GTF2A1: variants seen among roughly 807,000 people sequenced by gnomAD.
The protein encoded by GTF2A1 is transcription initiation factor IIA subunit 1.
In GTF2A1, 12 loss-of-function variants were observed where a neutral mutation model predicts 54.1. The ratio of observed to expected loss-of-function variants is 0.22; its 90% confidence interval spans 0.14 to 0.36. The LOEUF is 0.36. GTF2A1 is among the 10% of genes least tolerant of loss of function. The pLI, the probability that GTF2A1 is intolerant of heterozygous loss-of-function variation, is 1.00. For missense variants in GTF2A1, 335 were observed against 442.2 expected (o/e 0.76, Z 2.17); for synonymous variants, 145 against 152.0 (o/e 0.95, Z 0.34).
At chr14:81,209,781 C>A in intron 2 of GTF2A1, 1 of 451,158 alleles carries the variant, frequency 2.2e-6, no homozygotes, top group East Asian at 7.1e-5. Flanking sequence ...ATTCCCTATA[C>A]AAGACAAATG....
chr14:81,196,410 T>C (rs1892994866), intron 5 of GTF2A1, among the ~76,000 whole-genome samples, 169 bp from the exon 6 acceptor site: 1 of 152,236 alleles, frequency 6.6e-6, no homozygotes, highest in African/African-American at 2.4e-5. Context: ...CCTCCCCTTC[T>C]CTGACTTCTC....
intron 1 of GTF2A1, among the ~76,000 whole-genome samples, chr14:81,219,933 T>C (rs777872449): frequency 4.6e-5 from 7 of 152,138 alleles, no homozygotes; most frequent in Non-Finnish European, 1.0e-4. Flanking sequence ...TTCGTCCTTT[T>C]TTTAAACATA....
At chr14:81,211,877 A>T (rs1247741848) in intron 2 of GTF2A1, among the ~76,000 whole-genome samples, 1 of 24,776 alleles carries the variant, frequency 4.0e-5, no homozygotes, top group Non-Finnish European at 1.9e-4. Flanking sequence ...CAAGTACTTT[A>T]TATATATATA....
chr14:81,176,265 T>C lies in GTF2A1; in HGVS notation c.*3958A>G, dbSNP rs996808181. 3 of 152,106 alleles carry C rather than the reference T, an allele frequency of 2.0e-5. No homozygotes were observed. Among genetic ancestry groups the C allele is most frequent in the South Asian group, 2.1e-4 (1 of 4,828 alleles). 9.4% of individuals were successfully genotyped at this position (152,106 alleles called of 1,614,324 possible). ...TTCCAAGATGGTCTTTAAAACATAA[T>C]ATCCCATATATCACAGAAGAGCAAC... On this transcript the variant is annotated 3_prime_UTR_variant, in exon 9 of 9. Coordinates refer to ENST00000553612, the MANE Select transcript of GTF2A1 (RefSeq NM_015859.4).
intron 1 of GTF2A1, among the ~76,000 whole-genome samples, chr14:81,217,549 G>C (rs989444685): frequency 6.6e-6 from 1 of 152,078 alleles, no homozygotes; most frequent in Non-Finnish European, 1.5e-5. Context: ...AAGGTTAATC[G>C]CTATCAAATA....
At position 81,197,470 on chromosome 14, in the gene GTF2A1, T is replaced by A. The variant is rs1198913219; in HGVS notation, c.417A>T (p.Thr139=). 6.3e-7 allele frequency: 1 copy of A among 1,580,356 alleles called. No individual in the cohort carries two copies. The highest frequency in any genetic ancestry group is 1.1e-5 in the South Asian group (1 of 87,666). The change falls in exon 5 of 9, where the codon ACA becomes ACT. Residue 139 remains threonine, a synonymous_variant. Coordinates refer to ENST00000553612, the MANE Select transcript of GTF2A1 (RefSeq NM_015859.4). ...CTGCAGGGAGTGCTAAGGTAGCAGC[T>A]GTAGCAGCAGCACTCTGAAAAAAAC... ...MNASNMSAAA[T]AATLALPAGV...
rs544113164 is a variant in GTF2A1 at position 81,213,912 on chromosome 14, G to A, written c.132+2501C>T. ...GGCTGCAGTGTAGTGGCATGATCTC[G>A]GCTCACTGCAACCCCCGCCTCCTGG... On this transcript the variant is annotated intron_variant, in intron 2 of 8. Transcript: ENST00000553612. Among the ~76,000 whole-genome samples, 160 of 149,050 alleles carry A rather than the reference G, an allele frequency of 1.1e-3. 2 individuals are homozygous for A. The highest frequency in any genetic ancestry group is 3.8e-3 in the African/African-American group (152 of 40,326).
At chr14:81,216,092 G>A (rs553793765) in intron 2 of GTF2A1, among the ~76,000 whole-genome samples, 7 of 152,208 alleles carry the variant, frequency 4.6e-5, no homozygotes, top group Admixed American at 1.3e-4. Context: ...ATAAAATGTA[G>A]AATGTTAACT....
intron 8 of GTF2A1, among the ~76,000 whole-genome samples, chr14:81,183,811 T>C (rs184598690): frequency 1.4e-4 from 21 of 152,368 alleles, no homozygotes; most frequent in African/African-American, 4.8e-4. Context: ...AGTCGTTCTA[T>C]GATCTCTTCT....
intron 1 of GTF2A1, among the ~76,000 whole-genome samples, chr14:81,220,209 G>C (rs1364778490): frequency 8.1e-6 from 1 of 123,770 alleles, no homozygotes; most frequent in African/African-American, 2.9e-5. Context: ...CTGCGCGCCC[G>C]ACCGGGCCCA....
intron 1 of GTF2A1, among the ~76,000 whole-genome samples, chr14:81,216,727 C>A (rs1893497062): frequency 6.6e-6 from 1 of 152,060 alleles, no homozygotes; most frequent in Non-Finnish European, 1.5e-5. Flanking sequence ...AACAGAAGGC[C>A]CCTAAGACTA....
rs1489181192 is a variant in GTF2A1, at chr14:81,177,414, T to C, written c.*2809A>G. 2 of 152,174 alleles carry C rather than the reference T, an allele frequency of 1.3e-5. No homozygotes were observed. Among genetic ancestry groups the C allele is most frequent in the Non-Finnish European group, 2.9e-5 (2 of 67,982 alleles). 9.4% of individuals were successfully genotyped at this position (152,174 alleles called of 1,614,324 possible). ...GGCACTCCACAGAAATTAAACATGC[T>C]CTCAGGCATTCAAATGGTCTGATTA... is the stretch of plus-strand genomic sequence containing the variant. On this transcript the variant is annotated 3_prime_UTR_variant, in exon 9 of 9. Coordinates refer to ENST00000553612, the MANE Select transcript of GTF2A1 (RefSeq NM_015859.4).
rs1892515302 is a variant in GTF2A1, at chr14:81,175,856, T to C, written c.*4367A>G. The C allele has an allele frequency of 6.6e-6, 1 of 152,210 alleles. No individual in the cohort carries two copies. Among genetic ancestry groups the C allele is most frequent in the Non-Finnish European group, 1.5e-5 (1 of 68,006 alleles). The allele number at this position is 152,210 out of a possible 1,614,324, so 9.4% of individuals were successfully genotyped here. On this transcript the variant is annotated 3_prime_UTR_variant, in exon 9 of 9. Coordinates refer to ENST00000553612, the MANE Select transcript of GTF2A1 (RefSeq NM_015859.4). ...TTATTTTGAAAAACAATGTTAATTA[T>C]ACCAATTTTTAGTTATAATTTGTTA...
intron 6 of GTF2A1, 94 bp downstream of exon 6, chr14:81,196,014 G>A: frequency 1.8e-6 from 2 of 1,097,786 alleles, no homozygotes; most frequent in Middle Eastern, 2.1e-4. Flanking sequence ...CTGAAAAAGA[G>A]TCTTTTGTGC....
At chr14:81,186,376 G>A (rs1892745670) in intron 7 of GTF2A1, among the ~76,000 whole-genome samples, 1 of 152,004 alleles carries the variant, frequency 6.6e-6, no homozygotes, top group Non-Finnish European at 1.5e-5. Context: ...TAAAGAACTT[G>A]GACTCTAAAT....
chr14:81,182,781 T>G (rs1595205921), intron 8 of GTF2A1, among the ~76,000 whole-genome samples: 4 of 152,286 alleles, frequency 2.6e-5, no homozygotes, highest in Admixed American at 2.6e-4. Flanking sequence ...CCTTACAAAA[T>G]CCTTACTATC....
intron 1 of GTF2A1, among the ~76,000 whole-genome samples, chr14:81,218,431 C>T (rs879384475): frequency 3.9e-5 from 6 of 152,060 alleles, no homozygotes; most frequent in Non-Finnish European, 7.4e-5. Context: ...ATATGCCTAA[C>T]GAGTAATTTA....
chr14:81,205,558 T>C (rs1893210955), intron 2 of GTF2A1, among the ~76,000 whole-genome samples: 1 of 152,146 alleles, frequency 6.6e-6, no homozygotes, highest in Non-Finnish European at 1.5e-5. Flanking sequence ...CAAAATATAT[T>C]ATTATTGGTG....
At chr14:81,192,268 T>C (rs1031596043) in intron 7 of GTF2A1, among the ~76,000 whole-genome samples, 2 of 152,218 alleles carry the variant, frequency 1.3e-5, no homozygotes, top group Non-Finnish European at 2.9e-5. Flanking sequence ...TTACTACACA[T>C]ATTAATACAA....
Sources: gnomAD v4.1 joint callset for allele counts (sites outside exome capture counted in the v4.1 genomes callset) on GRCh38, gnomAD v4.1.1 for gene constraint, MANE v1.5 for transcripts, NCBI Gene and HGNC (gene_info 2026-07-23, HGNC 2026-07-21) for gene names.